STPG2: variants seen among roughly 807,000 people sequenced by gnomAD.
STPG2 encodes sperm tail PG-rich repeat containing 2.
A neutral mutation model predicts 54.2 loss-of-function variants in STPG2; 56 were observed. The observed-to-expected ratio is 1.03, with a 90% CI of 0.83 to 1.29. The LOEUF (loss-of-function observed/expected upper bound fraction) is 1.29. Ranked by LOEUF, STPG2 falls within the 50% of genes most tolerant of loss-of-function variation. The pLI, the probability that STPG2 is intolerant of heterozygous loss-of-function variation, is 0.00. For synonymous variants in STPG2, 200 were observed against 181.8 expected, an observed-to-expected ratio of 1.10 and a Z score of -0.81; for missense variants, 596 against 544.9, an observed-to-expected ratio of 1.09 and a Z score of -0.93.
At chr4:97,605,454 C>G (rs981169900) in intron 10 of STPG2, among the ~76,000 whole-genome samples, 4 of 151,508 alleles carry the variant, frequency 2.6e-5, no homozygotes, top group African/African-American at 9.7e-5. Flanking sequence ...TCTAAAATTG[C>G]AAAAATATGA....
intron 10 of STPG2, among the ~76,000 whole-genome samples, chr4:97,654,249 A>T (rs1263305458): frequency 6.6e-6 from 1 of 152,172 alleles, no homozygotes; most frequent in African/African-American, 2.4e-5. Flanking sequence ...AATGTTCAAC[A>T]GTCACAAAAA....
intron 9 of STPG2, among the ~76,000 whole-genome samples, chr4:97,788,786 C>G (rs994450214): frequency 6.6e-6 from 1 of 151,770 alleles, no homozygotes; most frequent in Admixed American, 6.6e-5. Flanking sequence ...TTTTTAATTC[C>G]TGATATTATA....
intron 8 of STPG2, among the ~76,000 whole-genome samples, chr4:97,848,253 T>C (rs995070384): frequency 1.3e-5 from 2 of 152,196 alleles, no homozygotes; most frequent in Non-Finnish European, 2.9e-5. Context: ...ATTATTTTAT[T>C]ATTCATTATT....
At chr4:97,596,495 A>G (rs1307996803) in intron 10 of STPG2, among the ~76,000 whole-genome samples, 1 of 152,178 alleles carries the variant, frequency 6.6e-6, no homozygotes, top group Non-Finnish European at 1.5e-5. Flanking sequence ...ATATTCTAAA[A>G]TGGACCACAT....
chr4:98,056,312 A>G (rs756225870), intron 5 of STPG2, among the ~76,000 whole-genome samples: 1 of 152,090 alleles, frequency 6.6e-6, no homozygotes, highest in Non-Finnish European at 1.5e-5. Context: ...CACCACCTCC[A>G]GTGCAACAGC....
intron 9 of STPG2, among the ~76,000 whole-genome samples, chr4:97,735,940 A>T (rs1221529793): frequency 6.6e-6 from 1 of 152,192 alleles, no homozygotes; most frequent in Non-Finnish European, 1.5e-5. Context: ...ATATATAAGA[A>T]ATGCTCAACA....
intron 10 of STPG2, among the ~76,000 whole-genome samples, chr4:97,567,629 GGAT>G (rs1319469271): frequency 6.6e-6 from 1 of 151,746 alleles, no homozygotes; most frequent in Non-Finnish European, 1.5e-5. Context: ...AAACTATGCT[GGAT>G]TTACACATTG....
intron 8 of STPG2, among the ~76,000 whole-genome samples, chr4:97,885,960 A>C (rs1354394048): frequency 6.6e-6 from 1 of 152,258 alleles, no homozygotes; most frequent in Non-Finnish European, 1.5e-5. Context: ...CTAAGATTAA[A>C]GTGAGGTCAA....
chr4:97,864,257 A>T (rs1428848452), intron 8 of STPG2, among the ~76,000 whole-genome samples: 1 of 152,130 alleles, frequency 6.6e-6, no homozygotes, highest in Non-Finnish European at 1.5e-5. Flanking sequence ...AAGTCTCAGG[A>T]TACAAAATCA....
intron 4 of STPG2, among the ~76,000 whole-genome samples, chr4:97,534,151 C>T (rs2148855431): frequency 6.6e-6 from 1 of 152,048 alleles, no homozygotes; most frequent in Non-Finnish European, 1.5e-5. Context: ...CATGTTTCTG[C>T]AATTAAATAT....
At chr4:97,758,655 G>A (rs1156257393) in intron 9 of STPG2, among the ~76,000 whole-genome samples, 1 of 152,044 alleles carries the variant, frequency 6.6e-6, no homozygotes, top group African/African-American at 2.4e-5. Flanking sequence ...GAGAGCATTA[G>A]GACAAATACC....
At chr4:97,454,382 G>A (rs907665417) in intron 4 of STPG2, among the ~76,000 whole-genome samples, 58 of 149,966 alleles carry the variant, frequency 3.9e-4, no homozygotes, top group Non-Finnish European at 7.3e-4. Flanking sequence ...GCGCGGTGGC[G>A]GGCGCCTGTA....
chr4:97,953,545 C>G (rs1437008114), intron 7 of STPG2, among the ~76,000 whole-genome samples: 2 of 152,162 alleles, frequency 1.3e-5, no homozygotes, highest in South Asian at 4.1e-4. Flanking sequence ...TTTGTGAGAT[C>G]CCCCCATGAC....
intron 9 of STPG2, among the ~76,000 whole-genome samples, chr4:97,830,471 G>A (rs906747686): frequency 6.6e-6 from 1 of 151,908 alleles, no homozygotes; most frequent in Non-Finnish European, 1.5e-5. Flanking sequence ...ACCAACTAAG[G>A]GGCAAAATAA....
intron 10 of STPG2, among the ~76,000 whole-genome samples, chr4:97,675,810 A>G (rs1194015504): frequency 6.6e-6 from 1 of 151,400 alleles, no homozygotes; most frequent in Non-Finnish European, 1.5e-5. Context: ...GTTCTGGAAT[A>G]GGGTCCCAAC....
At chr4:97,809,823 C>G (rs186477554) in intron 9 of STPG2, among the ~76,000 whole-genome samples, 2 of 152,044 alleles carry the variant, frequency 1.3e-5, no homozygotes, top group African/African-American at 4.8e-5. Flanking sequence ...GCTGCCCAGA[C>G]CTCTGATCTA....
At chr4:97,894,674 T>C (rs1730894806) in intron 8 of STPG2, among the ~76,000 whole-genome samples, 1 of 151,888 alleles carries the variant, frequency 6.6e-6, no homozygotes, top group Admixed American at 6.6e-5. Context: ...TGATCTTCAG[T>C]TGTCACTGTC....
chr4:97,527,465 G>A (rs955215622), intron 4 of STPG2, among the ~76,000 whole-genome samples: 3 of 152,066 alleles, frequency 2.0e-5, no homozygotes, highest in African/African-American at 4.8e-5. Flanking sequence ...AAACATACAC[G>A]TGCATGTATC....
intron 4 of STPG2, among the ~76,000 whole-genome samples, chr4:97,449,225 A>G (rs1031707756): frequency 6.6e-6 from 1 of 152,174 alleles, no homozygotes; most frequent in South Asian, 2.1e-4. Context: ...ACATTTTTGC[A>G]TGTATTAATA....
Sources: gnomAD v4.1 joint callset for allele counts (sites outside exome capture counted in the v4.1 genomes callset) on GRCh38, gnomAD v4.1.1 for gene constraint, MANE v1.5 for transcripts, NCBI Gene and HGNC (gene_info 2026-07-23, HGNC 2026-07-21) for gene names.